Variants in SUMO2 observed in about 807,000 individuals in gnomAD.
SUMO2 encodes small ubiquitin like modifier 2.
A neutral mutation model predicts 16.0 loss-of-function variants in SUMO2; 1 was observed. The ratio of observed to expected loss-of-function variants is 0.06; its 90% CI spans 0.02 to 0.30. The LOEUF (loss-of-function observed/expected upper bound fraction) is 0.30. Ranked by LOEUF, SUMO2 falls within the 10% of genes least tolerant of loss-of-function variation. The pLI is 1.00. For synonymous variants in SUMO2, 36 were observed against 40.6 expected (o/e 0.89, Z 0.43); for missense variants, 16 against 117.5 (o/e 0.14, Z 3.99).
At chr17:75,168,990 T>C (rs540902632) in intron 3 of SUMO2, among the ~76,000 whole-genome samples, 24 of 150,704 alleles carry the variant, frequency 1.6e-4, no homozygotes, top group Non-Finnish European at 3.1e-4. Flanking sequence ...GAGGCCAACA[T>C]TGGAGGATTG....
chr17:75,181,386 A>G lies in SUMO2; in HGVS notation c.22-198T>C, dbSNP rs189403436. On this transcript the variant is annotated intron_variant, in intron 1 of 3. Coordinates refer to ENST00000420826, the MANE Select transcript of SUMO2 (RefSeq NM_006937.4). ...GCAGTAACAGTATTAGATAGCTGTC[A>G]GATACGGAAAAGCCTACATGCAATA... 2.6e-3 allele frequency among the ~76,000 whole-genome samples: 395 copies of G among 152,280 alleles called. 2 individuals carry two copies. Among genetic ancestry groups the G allele is most frequent in the African/African-American group, 9.2e-3 (382 of 41,558 alleles).
At chr17:75,171,095 G>A (rs1473968494) in intron 3 of SUMO2, among the ~76,000 whole-genome samples, 1 of 151,230 alleles carries the variant, frequency 6.6e-6, no homozygotes, top group Non-Finnish European at 1.5e-5. Context: ...TACACCCCAA[G>A]GAGCAAAGCA....
intron 1 of SUMO2, among the ~76,000 whole-genome samples, 197 bp from the exon 2 acceptor site, chr17:75,181,385 C>G (rs1018731242): frequency 6.6e-6 from 1 of 152,088 alleles, no homozygotes; most frequent in East Asian, 1.9e-4. Context: ...AGATAGCTGT[C>G]AGATACGGAA....
At chr17:75,175,996 A>G (rs1422103809) in intron 2 of SUMO2, among the ~76,000 whole-genome samples, 1 of 151,832 alleles carries the variant, frequency 6.6e-6, no homozygotes, top group Non-Finnish European at 1.5e-5. Flanking sequence ...TGTTAAATAG[A>G]ACATACCTTG....
intron 3 of SUMO2, among the ~76,000 whole-genome samples, chr17:75,168,849 C>T (rs1203910877): frequency 6.6e-6 from 1 of 152,152 alleles, no homozygotes; most frequent in African/African-American, 2.4e-5. Flanking sequence ...AAGTGATCTG[C>T]CTGCCTCGGC....
intron 3 of SUMO2, among the ~76,000 whole-genome samples, chr17:75,172,212 G>A (rs762992461): frequency 1.3e-5 from 2 of 151,716 alleles, no homozygotes; most frequent in African/African-American, 2.4e-5. Context: ...TAGTAGAGAC[G>A]GGGTAGTTTC....
chr17:75,169,626 A>AC (rs2074720065), intron 3 of SUMO2, among the ~76,000 whole-genome samples: 1 of 151,460 alleles, frequency 6.6e-6, no homozygotes, highest in African/African-American at 2.4e-5. Flanking sequence ...CTCATGATCC[A>AC]CCCTCCTCGG....
chr17:75,174,566 A>C (rs111658496), intron 3 of SUMO2, among the ~76,000 whole-genome samples, 186 bp downstream of exon 3: 19 of 152,266 alleles, frequency 1.2e-4, no homozygotes, highest in Middle Eastern at 3.4e-3. Context: ...AAAATAAATG[A>C]ATAAAAACCA....
chr17:75,178,016 C>T (rs1450650773), intron 2 of SUMO2, among the ~76,000 whole-genome samples: 3 of 93,748 alleles, frequency 3.2e-5, no homozygotes, highest in Admixed American at 2.1e-4. Context: ...AAAAAAGAAT[C>T]GCCCAGTGGC....
At chr17:75,173,665 G>A (rs1047350910) in intron 3 of SUMO2, among the ~76,000 whole-genome samples, 1 of 152,024 alleles carries the variant, frequency 6.6e-6, no homozygotes, top group East Asian at 1.9e-4. Context: ...TTTGTAAAGA[G>A]AGGGTTTTGC....
intron 1 of SUMO2, among the ~76,000 whole-genome samples, chr17:75,181,522 C>T (rs2074828672): frequency 6.6e-6 from 1 of 152,036 alleles, no homozygotes; most frequent in South Asian, 2.1e-4. Flanking sequence ...ATACTTTACC[C>T]CCCAAAAAAG....
At position 75,171,166 on chromosome 17, in the gene SUMO2, G is replaced by T. The variant is rs568669638; in HGVS notation, c.226-2765C>A. Among the ~76,000 whole-genome samples the T allele has an allele frequency of 1.1e-3, 166 of 151,182 alleles. 1 individual carries two copies. The highest frequency in any genetic ancestry group is 1.9e-3 in the Non-Finnish European group (128 of 67,872). ...TTTCTTGCGATGGAGTTTCGCTGTT[G>T]TTGCCCAGGGTGGAGTGCAATGGCG... On this transcript the variant is annotated intron_variant, in intron 3 of 3. Coordinates refer to ENST00000420826, the MANE Select transcript of SUMO2 (RefSeq NM_006937.4).
chr17:75,174,672 T>C (rs2074767952), intron 3 of SUMO2, 80 bp downstream of exon 3: 5 of 1,354,480 alleles, frequency 3.7e-6, no homozygotes, highest in East Asian at 4.9e-5. Flanking sequence ...TACTCCAGTG[T>C]CTAAACGTTC....
intron 3 of SUMO2, among the ~76,000 whole-genome samples, chr17:75,172,262 G>GT (rs2074745836): frequency 6.6e-6 from 1 of 150,854 alleles, no homozygotes; most frequent in Non-Finnish European, 1.5e-5. Flanking sequence ...CTGACCTCAG[G>GT]TGATCAACTT....
intron 2 of SUMO2, among the ~76,000 whole-genome samples, chr17:75,179,489 C>G (rs2145225664): frequency 6.9e-6 from 1 of 144,450 alleles, no homozygotes. Context: ...GATTGCACTA[C>G]TGCACTCCAT....
At position 75,167,797 on chromosome 17, in the gene SUMO2, CTTTT is replaced by C. The variant is rs893696884; in HGVS notation, c.*538_*541del. 1 of 158,066 alleles carries C rather than the reference CTTTT, an allele frequency of 6.3e-6. No individual in the cohort carries two copies. The highest frequency in any genetic ancestry group is 1.5e-5 in the Non-Finnish European group (1 of 68,026). The allele number at this position is 158,066 out of a possible 1,614,324, so 9.8% of individuals were successfully genotyped here. A position where few individuals can be genotyped will look rare whatever the true frequency, so the allele number is the denominator to read the frequency against. ...CTTGAAGGGAAAACTATCTAGGATT[CTTTT>C]TTGTTTTAGAGTAATTTATCCCTAC... On this transcript the variant is annotated 3_prime_UTR_variant, in exon 4 of 4. Coordinates refer to ENST00000420826, the MANE Select transcript of SUMO2 (RefSeq NM_006937.4).
rs190720329 is a variant in SUMO2 at position 75,165,735 on chromosome 17, G to C, written c.*2604C>G. 6.6e-6 allele frequency: 1 copy of C among 152,040 alleles called. No individual in the cohort carries two copies. The highest frequency in any genetic ancestry group is 1.5e-5 in the Non-Finnish European group (1 of 67,988). 9.4% of individuals were successfully genotyped at this position (152,040 alleles called of 1,614,324 possible). A position where few individuals can be genotyped will look rare whatever the true frequency, so the allele number is the denominator to read the frequency against. ...ACTTGGCTTTCTCATCTATAAAATG[G>C]CAGTGAGGCCGGGCGCAGTGGATCA... On this transcript the variant is annotated 3_prime_UTR_variant, in exon 4 of 4. Transcript: ENST00000420826.
chr17:75,179,436 G>C (rs2074809297), intron 2 of SUMO2, among the ~76,000 whole-genome samples: 1 of 151,274 alleles, frequency 6.6e-6, no homozygotes, highest in South Asian at 2.1e-4. Context: ...ACTGAGACAG[G>C]AGAATCGCTT....
chr17:75,182,710 G>T, intron 1 of SUMO2, 104 bp downstream of exon 1: 1 of 1,039,048 alleles, frequency 9.6e-7, no homozygotes, highest in Non-Finnish European at 1.2e-6. Context: ...CCCCGTGGGG[G>T]GCCCGGGAAA....
Sources: gnomAD v4.1 joint callset for allele counts (sites outside exome capture counted in the v4.1 genomes callset) on GRCh38, gnomAD v4.1.1 for gene constraint, MANE v1.5 for transcripts, NCBI Gene and HGNC (gene_info 2026-07-23, HGNC 2026-07-21) for gene names.